The following COL12A1 variants were observed in gnomAD, a reference collection of about 807,000 sequenced individuals.
COL12A1 encodes the protein collagen alpha-1(XII) chain.
A neutral mutation model predicts 349.7 loss-of-function variants in COL12A1; 114 were observed. That is an observed-to-expected ratio of 0.33 (90% CI 0.28 to 0.38). COL12A1 has a LOEUF of 0.38. Among genes scored for constraint, COL12A1 ranks in the 10% least tolerant of loss-of-function variants. The pLI, the probability that COL12A1 is intolerant of heterozygous loss-of-function variation, is 1.00. For synonymous variants in COL12A1, 1,369 were observed against 1,329.0 expected (o/e 1.03, Z -0.66); for missense variants, 3,284 against 3,756.9 (o/e 0.87, Z 3.29).
intron 36 of COL12A1, 138 bp downstream of exon 36, chr6:75,130,714 G>T: frequency 3.7e-6 from 4 of 1,093,678 alleles, no homozygotes; most frequent in Non-Finnish European, 5.2e-6. Flanking sequence ...CAATGTTTTC[G>T]CCTGGAATGT....
At chr6:75,156,571 T>G in intron 14 of COL12A1, 48 bp from the exon 15 acceptor site, 8 of 1,551,996 alleles carry the variant, frequency 5.2e-6, no homozygotes, top group Non-Finnish European at 7.1e-6. Flanking sequence ...TGAAAAAAAA[T>G]GTATGTCCAC....
intron 60 of COL12A1, among the ~76,000 whole-genome samples, chr6:75,093,199 T>C (rs950232540): frequency 6.6e-6 from 1 of 152,196 alleles, no homozygotes; most frequent in Non-Finnish European, 1.5e-5. Context: ...CCCCCCAGAA[T>C]GTCTATGAAG....
chr6:75,101,649 G>T lies in COL12A1; in HGVS notation c.8474C>A (p.Thr2825Asn), dbSNP rs1280191331. Residue 2825 changes from threonine (T) to asparagine (N), a missense_variant, in exon 58 of 66, where the codon ACC becomes AAC. Transcript: ENST00000322507. ...TCCTGGTGGGCCAGGTAATCCTGGG[G>T]TTCCCTGCACAGAAGGAAACAAACA... The part of the protein sequence containing the change: ...GEPGLPGRTG[T>N]PGLPGPPGPM... 1.2e-6 allele frequency: 2 copies of T among 1,613,706 alleles called. No homozygotes were observed. The highest frequency in any genetic ancestry group is 1.7e-6 in the Non-Finnish European group (2 of 1,179,782).
chr6:75,131,990 G>A lies in COL12A1; in HGVS notation c.5887C>T (p.Gln1963Ter). The A allele has an allele frequency of 6.2e-7, 1 of 1,614,140 alleles. No homozygotes were observed. Among genetic ancestry groups the A allele is most frequent in the Non-Finnish European group, 8.5e-7 (1 of 1,180,002 alleles). ...RWDPAPGPVL[Q>*]YRVVYSPVDG... is the part of the protein sequence containing the mutation. ...ACAGGAGAATACACAACGCGATATT[G>A]CAGCACAGGTCCTGGAGCAGGGTCC... Residue 1963 changes from glutamine to a stop codon, truncating the protein, a stop_gained, in exon 35 of 66, where the codon CAA (glutamine) becomes TAA (stop). Transcript: ENST00000322507. LOFTEE classifies it high-confidence loss of function.
At chr6:75,143,115 A>T in intron 26 of COL12A1, 137 bp downstream of exon 26, 1 of 954,746 alleles carries the variant, frequency 1.0e-6, no homozygotes. Context: ...TGCTTTATTA[A>T]TATCACAAGT....
At chr6:75,190,323 T>C (rs1301386932) in intron 5 of COL12A1, among the ~76,000 whole-genome samples, 1 of 151,980 alleles carries the variant, frequency 6.6e-6, no homozygotes, top group East Asian at 1.9e-4. Context: ...TTTGTTAATA[T>C]ACTCTTGCAC....
In COL12A1 at chr6:75,084,563, G is replaced by C. The variant is rs1490003120; in HGVS notation, c.*1984C>G. The C allele has an allele frequency of 6.6e-6, 1 of 152,578 alleles. No individual in the cohort carries two copies. The highest frequency in any genetic ancestry group is 1.5e-5 in the Non-Finnish European group (1 of 68,034). 9.5% of individuals were successfully genotyped at this position (152,578 alleles called of 1,614,324 possible). A position where few individuals can be genotyped will look rare whatever the true frequency, so the allele number is the denominator to read the frequency against. On this transcript the variant is annotated 3_prime_UTR_variant, in exon 66 of 66. Transcript: ENST00000322507. Reference sequence around the variant, plus strand: ...CTCTCTGCAGAATAATCTGCAATTTGGTATAAATGTTAGTGTGTCTAAAAC... The same window carrying C: ...CTCTCTGCAGAATAATCTGCAATTTCGTATAAATGTTAGTGTGTCTAAAAC...
At chr6:75,154,625 T>C (rs1767663266) in intron 16 of COL12A1, 88 bp from the exon 17 acceptor site, 1 of 1,376,958 alleles carries the variant, frequency 7.3e-7, no homozygotes, top group Non-Finnish European at 9.8e-7. Flanking sequence ...GACATTTTTC[T>C]TGATTTACAA....
intron 32 of COL12A1, 41 bp from the exon 33 acceptor site, chr6:75,134,038 A>G (rs772420378): frequency 6.9e-6 from 11 of 1,588,906 alleles, no homozygotes; most frequent in African/African-American, 1.3e-5. Flanking sequence ...AATGCTAACA[A>G]TCAAGCACAC....
intron 23 of COL12A1, among the ~76,000 whole-genome samples, chr6:75,146,483 T>C (rs185810210): frequency 2.2e-4 from 33 of 152,300 alleles, no homozygotes; most frequent in African/African-American, 7.5e-4. Flanking sequence ...AATGTTAAAG[T>C]TCAGGTGTCA....
intron 21 of COL12A1, among the ~76,000 whole-genome samples, chr6:75,149,745 T>C (rs929783379): frequency 6.6e-6 from 1 of 152,128 alleles, no homozygotes; most frequent in Non-Finnish European, 1.5e-5. Context: ...TAACTTTTAT[T>C]GTACTTGGGT....
At chr6:75,190,298 G>T (rs2149476589) in intron 5 of COL12A1, among the ~76,000 whole-genome samples, 1 of 152,056 alleles carries the variant, frequency 6.6e-6, no homozygotes, top group East Asian at 1.9e-4. Flanking sequence ...AAGTGCAGTT[G>T]AGTTGAAGAC....
chr6:75,132,781 T>C (rs1373962599), intron 34 of COL12A1, among the ~76,000 whole-genome samples: 1 of 152,212 alleles, frequency 6.6e-6, no homozygotes, highest in Admixed American at 6.5e-5. Flanking sequence ...CAAAGAAATA[T>C]TTCTAAATCT....
intron 37 of COL12A1, 37 bp downstream of exon 37, chr6:75,130,054 A>G (rs1766224482): frequency 6.2e-7 from 1 of 1,608,800 alleles, no homozygotes; most frequent in African/African-American, 1.3e-5. Context: ...TTCAGCTAAG[A>G]TGATAAAATG....
chr6:75,101,993 A>G lies in COL12A1; in HGVS notation c.8469+6T>C. The G allele has an allele frequency of 6.2e-7, 1 of 1,614,108 alleles. No homozygotes were observed. Among genetic ancestry groups the G allele is most frequent in the South Asian group, 1.1e-5 (1 of 91,068 alleles). On this transcript the variant is annotated splice_donor_region_variant and intron_variant, in intron 57 of 65. Transcript: ENST00000322507. Reference sequence around the variant, plus strand: ...ACATGACAGGGCAACTTAGAGACCAACTCACTGTTCGGCCTGGAAGTCCTG... The same window carrying G: ...ACATGACAGGGCAACTTAGAGACCAGCTCACTGTTCGGCCTGGAAGTCCTG...
intron 20 of COL12A1, 139 bp from the exon 21 acceptor site, chr6:75,151,426 T>A (rs997265724): frequency 2.4e-5 from 16 of 669,650 alleles, no homozygotes; most frequent in Non-Finnish European, 3.4e-5. Flanking sequence ...AACTAAAACA[T>A]ACATATTATT....
chr6:75,093,428 C>G (rs1767863549), intron 60 of COL12A1, among the ~76,000 whole-genome samples: 1 of 152,160 alleles, frequency 6.6e-6, no homozygotes, highest in Non-Finnish European at 1.5e-5. Flanking sequence ...GCCAAGCTCT[C>G]TGCTAAGACC....
chr6:75,106,028 G>T (rs575099202), intron 53 of COL12A1, among the ~76,000 whole-genome samples: 1 of 152,232 alleles, frequency 6.6e-6, no homozygotes, highest in East Asian at 1.9e-4. Context: ...TTAAAGAAAA[G>T]TCATCATCTC....
rs1268603301 is a variant in COL12A1, at chr6:75,177,744, T to C, written c.2356A>G (p.Thr786Ala). ...RRTLENLIPD[T>A]KYEVSVIPEY... ...GGAATTACAGATACTTCATATTTCG[T>C]GTCTGGAATCAAGTTCTCCAGTGTT... is the stretch of plus-strand genomic sequence containing the variant. Residue 786 changes from threonine (T) to alanine (A), a missense_variant, in exon 12 of 66, where the codon ACG (threonine) becomes GCG (alanine). Around this residue, in one of 2 missense-constraint regions of COL12A1, gnomAD observed 2,601 missense variants for 2,824.8 expected, o/e 0.92. Transcript: ENST00000322507. The C allele has an allele frequency of 6.2e-7, 1 of 1,614,034 alleles. No individual in the cohort carries two copies. Among genetic ancestry groups the C allele is most frequent in the Admixed American group, 1.7e-5 (1 of 60,012 alleles).
Sources: allele counts gnomAD v4.1 joint callset (sites outside exome capture counted in the v4.1 genomes callset), GRCh38; gene constraint gnomAD v4.1.1; regional missense constraint gnomAD v4.1.1; transcripts MANE v1.5; gene names NCBI Gene and HGNC (gene_info 2026-07-23, HGNC 2026-07-21).